Variants in D2HGDH observed in about 807,000 individuals in gnomAD.
D2HGDH encodes the protein D-2-hydroxyglutarate dehydrogenase, mitochondrial.
Under a neutral mutation model 46.9 loss-of-function variants are expected in D2HGDH, and 31 were observed. That is an observed-to-expected ratio of 0.66 (90% CI 0.50 to 0.89). The LOEUF (loss-of-function observed/expected upper bound fraction) is 0.89, where lower values mean the gene tolerates loss of function less well. Ranked by LOEUF, D2HGDH falls within the 40% of genes least tolerant of loss-of-function variation. The pLI is 0.00. For synonymous variants in D2HGDH, 364 were observed against 332.6 expected, an observed-to-expected ratio of 1.09 and a Z score of -1.03; for missense variants, 698 against 720.8, an observed-to-expected ratio of 0.97 and a Z score of 0.36.
In D2HGDH at chr2:241,752,771, AC is replaced by A. The variant is rs918418130; in HGVS notation, c.1140+1388del. 2.6e-3 allele frequency among the ~76,000 whole-genome samples: 334 copies of A among 126,540 alleles called. 7 individuals carry two copies. The highest frequency in any genetic ancestry group is 1.2e-3 in the Non-Finnish European group (69 of 59,120). The allele number at this position is 126,540 out of a possible 152,430, so 83.0% of individuals were successfully genotyped here. A position where few individuals can be genotyped will look rare whatever the true frequency, so the allele number is the denominator to read the frequency against. On this transcript the variant is annotated intron_variant, in intron 8 of 9. Transcript: ENST00000321264. ...CAGTCAGTCATGCAGCCCCCACACC[AC>A]CCCCAGGAGGGCGACCCTGGCACCC... is the stretch of plus-strand genomic sequence containing the variant.
At chr2:241,735,709 T>G (rs1692591113) in intron 2 of D2HGDH, among the ~76,000 whole-genome samples, 193 bp downstream of exon 2, 1 of 152,084 alleles carries the variant, frequency 6.6e-6, no homozygotes, top group South Asian at 2.1e-4. Context: ...CAACCCAAGT[T>G]TTGTTGTTGT....
chr2:241,754,149 G>A (rs1042176331), intron 8 of D2HGDH, among the ~76,000 whole-genome samples: 2 of 152,244 alleles, frequency 1.3e-5, no homozygotes, highest in African/African-American at 4.8e-5. Flanking sequence ...AGCCCATCTT[G>A]TGGCCACGGG....
At chr2:241,755,063 C>T (rs745844797) in intron 8 of D2HGDH, 143 of 1,302,258 alleles carry the variant, frequency 1.1e-4, no homozygotes, top group African/African-American at 4.7e-4. Context: ...AATGGAAGTT[C>T]GAAGCAAGCA....
intron 8 of D2HGDH, chr2:241,755,401 C>A (rs746916580): frequency 7.7e-7 from 1 of 1,304,982 alleles, no homozygotes; most frequent in South Asian, 1.2e-5. Context: ...GTTCAGGGAG[C>A]GTCCAGGCCC....
chr2:241,748,121 T>TCTTTTG (rs1553606965), intron 6 of D2HGDH, among the ~76,000 whole-genome samples: 27 of 150,604 alleles, frequency 1.8e-4, no homozygotes, highest in Non-Finnish European at 4.4e-5. Context: ...TCTTCAGCGT[T>TCTTTTG]TTTTTGTTTT....
At chr2:241,751,178 G>C (rs1229059714) in intron 7 of D2HGDH, 68 bp from the exon 8 acceptor site, 1 of 1,609,196 alleles carries the variant, frequency 6.2e-7, no homozygotes, top group African/African-American at 1.3e-5. Flanking sequence ...TGTTCTGCCC[G>C]AGCAGCCCTG....
intron 8 of D2HGDH, chr2:241,755,247 A>ACGGCCCG: frequency 1.3e-6 from 1 of 750,508 alleles, no homozygotes; most frequent in South Asian, 3.0e-5. Flanking sequence ...CCCGTGGCCC[A>ACGGCCCG]CCCACCATGT....
At chr2:241,744,971 G>GT in intron 6 of D2HGDH, 94 bp downstream of exon 6, 1 of 1,441,554 alleles carries the variant, frequency 6.9e-7, no homozygotes. Context: ...GGGATGGAGG[G>GT]ACCCCCCGCC....
chr2:241,736,672 T>TTC (rs1364875439), intron 2 of D2HGDH, among the ~76,000 whole-genome samples: 6 of 126,468 alleles, frequency 4.7e-5, no homozygotes, highest in Non-Finnish European at 1.0e-4. Flanking sequence ...CGTTTATCCG[T>TTC]TTTTTTTTTT....
At chr2:241,758,770 T>C (rs1472996770) in intron 9 of D2HGDH, among the ~76,000 whole-genome samples, 3 of 31,714 alleles carry the variant, frequency 9.5e-5, no homozygotes, top group Non-Finnish European at 2.0e-4. Context: ...CCACAATATA[T>C]GTGTGTGTGT....
At chr2:241,747,974 G>A (rs1039471176) in intron 6 of D2HGDH, among the ~76,000 whole-genome samples, 1 of 152,132 alleles carries the variant, frequency 6.6e-6, no homozygotes, top group South Asian at 2.1e-4. Flanking sequence ...GCCCTGTGGG[G>A]GTCTCCTGGA....
At chr2:241,756,255 A>G (rs548077944) in intron 9 of D2HGDH, among the ~76,000 whole-genome samples, 15 of 152,332 alleles carry the variant, frequency 9.8e-5, no homozygotes, top group African/African-American at 3.6e-4. Flanking sequence ...GGCAGAGCGC[A>G]TGGCTCAGCT....
rs184723061 is a variant in D2HGDH at position 241,739,519 on chromosome 2, A to T, written c.293-1514A>T. Reference sequence around the variant, plus strand: ...TTCTGATCAGAAAAGCAAGGTGGACACCACAGCCTGGTTCTCAGAGCTCCA... The same window carrying T: ...TTCTGATCAGAAAAGCAAGGTGGACTCCACAGCCTGGTTCTCAGAGCTCCA... On this transcript the variant is annotated intron_variant, in intron 2 of 9. Coordinates refer to ENST00000321264, the MANE Select transcript of D2HGDH (RefSeq NM_152783.5). 2.5e-3 allele frequency among the ~76,000 whole-genome samples: 382 copies of T among 152,350 alleles called. 3 individuals are homozygous for T. Among genetic ancestry groups the T allele is most frequent in the African/African-American group, 8.5e-3 (355 of 41,576 alleles).
chr2:241,760,350 G>A (rs77904800), intron 9 of D2HGDH, among the ~76,000 whole-genome samples: 15 of 52,114 alleles, frequency 2.9e-4, no homozygotes, highest in African/African-American at 7.7e-4. Flanking sequence ...CTACAGTGTG[G>A]GTGGGCCTTA....
intron 6 of D2HGDH, chr2:241,748,677 C>A (rs1005239914): frequency 2.6e-6 from 1 of 386,442 alleles, no homozygotes; most frequent in South Asian, 3.4e-5. Flanking sequence ...ATGCTGCCCC[C>A]ACACCGCCTC....
chr2:241,744,974 C>A (rs1442696354), intron 6 of D2HGDH, 97 bp downstream of exon 6: 3 of 1,523,306 alleles, frequency 2.0e-6, no homozygotes, highest in Non-Finnish European at 1.8e-6. Context: ...ATGGAGGGAC[C>A]CCCCGCCAAG....
chr2:241,750,398 C>CGG, intron 7 of D2HGDH, 104 bp downstream of exon 7: 1 of 171,720 alleles, frequency 5.8e-6, no homozygotes, highest in Non-Finnish European at 9.9e-6. Flanking sequence ...GGTGCCCGGG[C>CGG]GGGCGGGTGG....
intron 7 of D2HGDH, 99 bp downstream of exon 7, chr2:241,750,393 C>A (rs2125136183): frequency 2.0e-6 from 1 of 489,038 alleles, no homozygotes; most frequent in East Asian, 7.5e-5. Context: ...CGGGGGGTGC[C>A]CGGGCGGGCG....
Position 241,744,354 on chromosome 2 carries a change from T to A in D2HGDH, c.685-355T>A, listed in dbSNP as rs539111134. On this transcript the variant is annotated intron_variant, in intron 5 of 9. Coordinates refer to ENST00000321264, the MANE Select transcript of D2HGDH (RefSeq NM_152783.5). ...TTATCTTTATTGTAAATTACTTTTT[T>A]GCACTCATGAGCTGTGTAGGCCTCC... is the stretch of plus-strand genomic sequence containing the variant. Among the ~76,000 whole-genome samples, 209 of 152,356 alleles carry A rather than the reference T, an allele frequency of 1.4e-3. 2 individuals are homozygous for A. The highest frequency in any genetic ancestry group is 1.6e-3 in the Non-Finnish European group (108 of 68,024).
Sources: gnomAD v4.1 joint callset for allele counts (sites outside exome capture counted in the v4.1 genomes callset) on GRCh38, gnomAD v4.1.1 for gene constraint, MANE v1.5 for transcripts, NCBI Gene and HGNC (gene_info 2026-07-23, HGNC 2026-07-21) for gene names.